Variants in BTK observed in about 807,000 individuals in gnomAD.
The protein encoded by BTK is Bruton tyrosine kinase.
BTK carries 5 observed loss-of-function variants against 57.4 expected under a neutral mutation model. The ratio of observed to expected loss-of-function variants is 0.09; its 90% CI spans 0.05 to 0.18. BTK has a LOEUF of 0.18. BTK is among the 10% of genes least tolerant of loss of function. BTK has a pLI of 1.00. For synonymous variants in BTK, 154 were observed against 174.3 expected (o/e 0.88, Z 0.92); for missense variants, 194 against 501.2 (o/e 0.39, Z 5.85).
intron 18 of BTK, among the ~76,000 whole-genome samples, chrX:101,352,730 C>T (rs781910404): frequency 1.7e-4 from 19 of 111,071 alleles, no homozygotes; most frequent in Non-Finnish European, 3.2e-4. Context: ...GAAATGCTGT[C>T]TCTACTAAAA....
chrX:101,374,655 G>GA, intron 2 of BTK, 21 bp from the exon 3 acceptor site: 1 of 1,129,012 alleles, frequency 8.9e-7, no homozygotes, highest in Non-Finnish European at 1.2e-6. Flanking sequence ...GAATGAGGAA[G>GA]AAAATGGAGA....
chrX:101,361,396 G>T (rs906909379), intron 7 of BTK, among the ~76,000 whole-genome samples: 7 of 109,528 alleles, frequency 6.4e-5, no homozygotes, highest in African/African-American at 2.3e-4. Context: ...ACTTGTACGT[G>T]AATCTACTAA....
At chrX:101,390,759 T>G (rs1927755882), upstream of BTK, 13 of 456,653 alleles carry the variant, frequency 2.8e-5, no homozygotes, top group Non-Finnish European at 7.6e-6. Context: ...TGAACGCCAC[T>G]ACGTAGCAGA....
intron 1 of BTK, among the ~76,000 whole-genome samples, chrX:101,381,466 C>T (rs1927423501): frequency 8.9e-6 from 1 of 111,862 alleles, no homozygotes; most frequent in South Asian, 3.7e-4. Context: ...CGGAAAATCT[C>T]TTCCCAGTCC....
intron 1 of BTK, among the ~76,000 whole-genome samples, chrX:101,385,397 C>T (rs1415270316): frequency 8.9e-6 from 1 of 112,139 alleles, no homozygotes; most frequent in African/African-American, 3.2e-5. Flanking sequence ...CAAGGGTTGG[C>T]CGCACTGTCT....
chrX:101,355,260 G>A (rs1926430451), intron 15 of BTK, among the ~76,000 whole-genome samples: 1 of 112,385 alleles, frequency 8.9e-6, no homozygotes, highest in African/African-American at 3.2e-5. Context: ...CTGGGCAACA[G>A]AGCGAGACTC....
chrX:101,385,611 C>T (rs1197238689), intron 1 of BTK, among the ~76,000 whole-genome samples: 2 of 112,434 alleles, frequency 1.8e-5, no homozygotes, highest in African/African-American at 6.5e-5. Flanking sequence ...TAACGTGGAG[C>T]GTGAGCTTTT....
rs1926197048 is a variant in BTK, at chrX:101,349,496, C to T, written c.*389G>A. On this transcript the variant is annotated 3_prime_UTR_variant, in exon 19 of 19. Coordinates refer to ENST00000308731, the MANE Select transcript of BTK (RefSeq NM_000061.3). The stretch of plus-strand genomic sequence containing the variant: ...TATTTTATCAAAACACCCTCCCCTC[C>T]CATCTTTATGACACCATTTCATTCT... 1 of 194,148 alleles carries T rather than the reference C, an allele frequency of 5.2e-6. No homozygotes were observed. Among genetic ancestry groups the T allele is most frequent in the African/African-American group, 2.9e-5 (1 of 34,150 alleles). 16.0% of individuals were successfully genotyped at this position (194,148 alleles called of 1,213,427 possible).
At chrX:101,350,132 T>C (rs1926229708) in intron 18 of BTK, among the ~76,000 whole-genome samples, 176 bp from the exon 19 acceptor site, 1 of 110,344 alleles carries the variant, frequency 9.1e-6, no homozygotes, top group Non-Finnish European at 1.9e-5. Flanking sequence ...ATAAAGTCTT[T>C]GTGCACTTTT....
At chrX:101,389,696 G>A (rs1349586181), upstream of BTK, among the ~76,000 whole-genome samples, 5 of 111,350 alleles carry the variant, frequency 4.5e-5, no homozygotes, top group Non-Finnish European at 9.4e-5. Flanking sequence ...CTACACTGCA[G>A]ATGCCCCTGC....
At chrX:101,354,229 T>C in intron 16 of BTK, 1 of 425,797 alleles carries the variant, frequency 2.3e-6, no homozygotes, top group Non-Finnish European at 4.1e-6. Flanking sequence ...ATCTAGTAGG[T>C]ACTCCCTTCC....
chrX:101,382,311 TTTTATTTATTTA>T (rs781942193), intron 1 of BTK, among the ~76,000 whole-genome samples: 1 of 104,426 alleles, frequency 9.6e-6, no homozygotes, highest in African/African-American at 3.7e-5. Flanking sequence ...GCAGTTCATG[TTTTATTTATTTA>T]TTTATTTATT....
chrX:101,382,850 T>C (rs1927497735), intron 1 of BTK, among the ~76,000 whole-genome samples: 1 of 111,211 alleles, frequency 9.0e-6, no homozygotes, highest in African/African-American at 3.3e-5. Context: ...ACATTTTATT[T>C]ATTTTTTCCA....
chrX:101,353,426 A>G lies in BTK; in HGVS notation c.1751-75T>C, dbSNP rs1332703444. On this transcript the variant is annotated intron_variant, in intron 17 of 18. Coordinates refer to ENST00000308731, the MANE Select transcript of BTK (RefSeq NM_000061.3). ...CAGGGGTCCTAGTCTTCCTAGATCA[A>G]CCTCAAAGATTAGAATCAGTTGGTT... The G allele has an allele frequency of 2.9e-6, 3 of 1,039,040 alleles. No individual in the cohort carries two copies. In the Admixed American group the frequency reaches 6.6e-5, roughly 23 times the overall value. 85.6% of individuals were successfully genotyped at this position (1,039,040 alleles called of 1,213,427 possible).
intron 1 of BTK, among the ~76,000 whole-genome samples, chrX:101,378,991 T>C (rs1927314439): frequency 9.2e-6 from 1 of 108,464 alleles, no homozygotes; most frequent in African/African-American, 3.4e-5. Flanking sequence ...CTGGCCAACA[T>C]GGTGAAATCC....
rs1354300477 is a variant in BTK, at chrX:101,354,360, A to G, written c.1631+270T>C. The G allele has an allele frequency of 2.8e-5, 12 of 421,598 alleles. 1 individual carries two copies. Among genetic ancestry groups the G allele is most frequent in the African/African-American group, 1.5e-4 (6 of 39,993 alleles). The allele number at this position is 421,598 out of a possible 1,213,427, so 34.7% of individuals were successfully genotyped here. The stretch of plus-strand genomic sequence containing the variant: ...GAATGGAGTAAAGTCATCAGGATTA[A>G]TAGATCAAGATAAGGTATTGGGGAA... On this transcript the variant is annotated intron_variant, in intron 16 of 18. Coordinates refer to ENST00000308731, the MANE Select transcript of BTK (RefSeq NM_000061.3).
chrX:101,359,515 T>C (rs1363667023), intron 9 of BTK, among the ~76,000 whole-genome samples, 168 bp from the exon 10 acceptor site: 3 of 111,593 alleles, frequency 2.7e-5, no homozygotes, highest in African/African-American at 9.8e-5. Context: ...CAAACCCAGG[T>C]TGGCATTGAA....
chrX:101,390,517 A>G (rs1927746482), upstream of BTK: 1 of 515,605 alleles, frequency 1.9e-6, no homozygotes. Context: ...ATGGGCATCC[A>G]ATAACCATTT....
rs1489016339 is a variant in BTK, at chrX:101,349,696, G to A, written c.*189C>T. 2.3e-6 allele frequency: 1 copy of A among 442,282 alleles called. No individual in the cohort carries two copies. The highest frequency in any genetic ancestry group is 2.4e-5 in the African/African-American group (1 of 40,944). The allele number at this position is 442,282 out of a possible 1,213,427, so 36.4% of individuals were successfully genotyped here. ...GAAATTTCAGGCACAATAATTTCTTGGCCTTTGCTCAGAAGCCACTATCCC... is the reference window on the plus strand; with the variant it reads ...GAAATTTCAGGCACAATAATTTCTTAGCCTTTGCTCAGAAGCCACTATCCC... On this transcript the variant is annotated 3_prime_UTR_variant, in exon 19 of 19. Coordinates refer to ENST00000308731, the MANE Select transcript of BTK (RefSeq NM_000061.3).
Sources: gnomAD v4.1 joint callset for allele counts (sites outside exome capture counted in the v4.1 genomes callset) on GRCh38, gnomAD v4.1.1 for gene constraint, MANE v1.5 for transcripts, NCBI Gene and HGNC (gene_info 2026-07-23, HGNC 2026-07-21) for gene names.